OTOGL: variants seen among roughly 807,000 people sequenced by gnomAD.
OTOGL encodes the protein otogelin-like protein.
Under a neutral mutation model 318.5 loss-of-function variants are expected in OTOGL, and 285 were observed. The ratio of observed to expected loss-of-function variants is 0.89; its 90% CI spans 0.81 to 0.99. The LOEUF (loss-of-function observed/expected upper bound fraction) is 0.99. Ranked by LOEUF, OTOGL falls within the 50% of genes least tolerant of loss-of-function variation. The pLI, the probability that OTOGL is intolerant of heterozygous loss-of-function variation, is 0.00. For synonymous variants in OTOGL, 987 were observed against 936.5 expected (o/e 1.05, Z -0.99); for missense variants, 2,899 against 2,845.6 (o/e 1.02, Z -0.43).
At position 80,191,850 on chromosome 12, in the gene OTOGL, A is replaced by G. The variant is rs118117302; in HGVS notation, c.-19-17563A>G. On this transcript the variant is annotated intron_variant, in intron 1 of 58. Coordinates refer to ENST00000547103, the MANE Select transcript of OTOGL (RefSeq NM_001378609.3). ...TTGTGAATGGCAAGAGAGGAACTAGAGACTGCTGTACCAGCTTTACATACT... is the reference window on the plus strand; with the variant it reads ...TTGTGAATGGCAAGAGAGGAACTAGGGACTGCTGTACCAGCTTTACATACT... Among the ~76,000 whole-genome samples, 470 of 152,306 alleles carry G rather than the reference A, an allele frequency of 3.1e-3. 24 individuals carry two copies. In the East Asian group the frequency reaches 0.063, roughly 20 times the overall value.
chr12:80,365,314 A>AT (rs1232110632), intron 52 of OTOGL, among the ~76,000 whole-genome samples: 1 of 151,998 alleles, frequency 6.6e-6, no homozygotes, highest in Non-Finnish European at 1.5e-5. Context: ...AAATTACCAT[A>AT]TTTTTTCAGG....
intron 42 of OTOGL, among the ~76,000 whole-genome samples, chr12:80,338,516 A>G (rs1888549190): frequency 6.6e-6 from 1 of 152,070 alleles, no homozygotes; most frequent in Admixed American, 6.6e-5. Context: ...TGGATTGCCT[A>G]CATTAGTATT....
chr12:80,315,624 T>A lies in OTOGL; in HGVS notation c.3634+1293T>A, dbSNP rs2137811301. Among the ~76,000 whole-genome samples, 6 of 152,230 alleles carry A rather than the reference T, an allele frequency of 3.9e-5. 1 individual carries two copies. The highest frequency in any genetic ancestry group is 3.9e-4 in the Admixed American group (6 of 15,282). On this transcript the variant is annotated intron_variant, in intron 32 of 58. Coordinates refer to ENST00000547103, the MANE Select transcript of OTOGL (RefSeq NM_001378609.3). Reference sequence around the variant, plus strand: ...CAGTTAGAATAATAGTTACAGGAAATCTTGGCCAAGCAACCAATCTGAGGC... The same window carrying A: ...CAGTTAGAATAATAGTTACAGGAAAACTTGGCCAAGCAACCAATCTGAGGC...
rs1048507859 is a variant in OTOGL at position 80,259,711 on chromosome 12, C to T, written c.1889+1709C>T. 1.6e-4 allele frequency among the ~76,000 whole-genome samples: 25 copies of T among 152,212 alleles called. 1 individual carries two copies. The highest frequency in any genetic ancestry group is 1.6e-3 in the Admixed American group (25 of 15,260). ...TCTACGTCCCTGCAAAAGACAGGAACTCATTCTTTTTCATGGCTGCATAGT... is the reference window on the plus strand; with the variant it reads ...TCTACGTCCCTGCAAAAGACAGGAATTCATTCTTTTTCATGGCTGCATAGT... On this transcript the variant is annotated intron_variant, in intron 18 of 58. Transcript: ENST00000547103.
chr12:80,198,569 C>T (rs1028675680), intron 1 of OTOGL, among the ~76,000 whole-genome samples: 4 of 151,864 alleles, frequency 2.6e-5, no homozygotes, highest in Non-Finnish European at 1.5e-5. Flanking sequence ...GGCGACAGAG[C>T]AAGACTCCAT....
Position 80,238,994 on chromosome 12 carries a change from G to A in OTOGL, c.945+16G>A, listed in dbSNP as rs758639933. The A allele has an allele frequency of 1.9e-6, 3 of 1,592,726 alleles. No individual in the cohort carries two copies. On this transcript the variant is annotated intron_variant, in intron 10 of 58. Coordinates refer to ENST00000547103, the MANE Select transcript of OTOGL (RefSeq NM_001378609.3). Reference sequence around the variant, plus strand: ...AGCATTTGAGGTAAATTTGATGTGAGAAATGTGGGCATGTCAGACAGAATA... The same window carrying A: ...AGCATTTGAGGTAAATTTGATGTGAAAAATGTGGGCATGTCAGACAGAATA...
At chr12:80,227,889 C>G (rs890223391) in intron 7 of OTOGL, among the ~76,000 whole-genome samples, 7 of 152,078 alleles carry the variant, frequency 4.6e-5, no homozygotes, top group Non-Finnish European at 1.0e-4. Flanking sequence ...TGACACATAC[C>G]CTATCCCCTT....
intron 37 of OTOGL, among the ~76,000 whole-genome samples, chr12:80,332,342 C>T (rs969840537): frequency 3.3e-5 from 5 of 152,128 alleles, no homozygotes; most frequent in African/African-American, 7.2e-5. Context: ...CTGTCAACTA[C>T]GGGCACTGCG....
Position 80,352,373 on chromosome 12 carries a change from G to T in OTOGL, c.5344G>T (p.Ala1782Ser). Reference sequence around the variant, plus strand: ...GAACTATGAATGTGATGCACTTTCTGCATATGTGGCTCTGTGCAACAAGTT... The same window carrying T: ...GAACTATGAATGTGATGCACTTTCTTCATATGTGGCTCTGTGCAACAAGTT... The part of the protein sequence containing the change: ...FWNYECDALS[A>S]YVALCNKFDI... Residue 1782 changes from alanine (A) to serine (S), a missense_variant, in exon 45 of 59, where the codon GCA (alanine) becomes TCA (serine). Ala to Ser is a moderately conservative substitution (Grantham distance 99). Coordinates refer to ENST00000547103, the MANE Select transcript of OTOGL (RefSeq NM_001378609.3). 6.2e-7 allele frequency: 1 copy of T among 1,612,088 alleles called. No homozygotes were observed. Among genetic ancestry groups the T allele is most frequent in the Non-Finnish European group, 8.5e-7 (1 of 1,178,618 alleles).
At chr12:80,185,392 G>A (rs1382501683) in intron 1 of OTOGL, among the ~76,000 whole-genome samples, 5 of 152,086 alleles carry the variant, frequency 3.3e-5, no homozygotes, top group African/African-American at 7.2e-5. Context: ...AAGTGATTCC[G>A]ATTCCCCTGC....
At chr12:80,232,810 G>T (rs2137403647) in intron 8 of OTOGL, 82 bp from the exon 9 acceptor site, 1 of 1,163,520 alleles carries the variant, frequency 8.6e-7, no homozygotes, top group South Asian at 1.5e-5. Context: ...TCTTTTAATT[G>T]TATCTCAGTC....
At chr12:80,263,791 T>G (rs2137552912) in intron 19 of OTOGL, among the ~76,000 whole-genome samples, 1 of 152,234 alleles carries the variant, frequency 6.6e-6, no homozygotes, top group Admixed American at 6.5e-5. Context: ...CTAAAGGATT[T>G]TTTTTCATGA....
At chr12:80,254,683 C>A in intron 15 of OTOGL, 113 bp downstream of exon 15, 1 of 820,796 alleles carries the variant, frequency 1.2e-6, no homozygotes, top group Admixed American at 2.8e-5. Context: ...CTACAATAAT[C>A]TGTAAATGCA....
intron 1 of OTOGL, among the ~76,000 whole-genome samples, chr12:80,180,455 T>C (rs1246225231): frequency 6.6e-6 from 1 of 152,180 alleles, no homozygotes; most frequent in Admixed American, 6.5e-5. Context: ...ATGTGGTCCA[T>C]AAACTCTAAC....
intron 1 of OTOGL, among the ~76,000 whole-genome samples, chr12:80,186,531 T>A (rs972073554): frequency 3.9e-5 from 6 of 152,326 alleles, no homozygotes; most frequent in Admixed American, 6.5e-5. Context: ...GATTCACTTG[T>A]TGAAAAACTT....
intron 11 of OTOGL, among the ~76,000 whole-genome samples, chr12:80,246,366 G>C (rs1312942368): frequency 7.0e-6 from 1 of 142,950 alleles, no homozygotes; most frequent in Non-Finnish European, 1.5e-5. Context: ...AGAGTTTTTA[G>C]CATGAAGGGT....
intron 44 of OTOGL, among the ~76,000 whole-genome samples, chr12:80,346,198 C>T (rs1025536617): frequency 6.6e-6 from 1 of 152,062 alleles, no homozygotes; most frequent in Admixed American, 6.6e-5. Context: ...TTAAAAGACA[C>T]AGACTATTAA....
chr12:80,208,908 A>C (rs1010363291), intron 1 of OTOGL, among the ~76,000 whole-genome samples: 7 of 152,170 alleles, frequency 4.6e-5, no homozygotes, highest in African/African-American at 1.7e-4. Flanking sequence ...TGTACTTTTT[A>C]ATTCCTAAAG....
intron 1 of OTOGL, among the ~76,000 whole-genome samples, chr12:80,146,003 G>A (rs1273295810): frequency 1.3e-5 from 2 of 151,042 alleles, no homozygotes; most frequent in African/African-American, 2.5e-5. Context: ...TCATCTGTAA[G>A]CAGGGACAAT....
Sources: allele counts gnomAD v4.1 joint callset (sites outside exome capture counted in the v4.1 genomes callset), GRCh38; gene constraint gnomAD v4.1.1; transcripts MANE v1.5; gene names NCBI Gene and HGNC (gene_info 2026-07-23, HGNC 2026-07-21).